Variants in RPAP2 observed in about 807,000 individuals in gnomAD.
The protein encoded by RPAP2 is RNA polymerase II associated protein 2.
Under a neutral mutation model 73.1 loss-of-function variants are expected in RPAP2, and 52 were observed. The observed-to-expected ratio is 0.71, with a 90% CI of 0.57 to 0.90. The LOEUF is 0.90. Among genes scored for constraint, RPAP2 ranks in the 40% least tolerant of loss-of-function variants. The probability of loss-of-function intolerance (pLI) is 0.00; values close to 1 mark genes in which losing one functional copy is unlikely to be tolerated. For missense variants in RPAP2, 598 were observed against 701.8 expected (o/e 0.85, Z 1.67); for synonymous variants, 225 against 242.1 (o/e 0.93, Z 0.65).
At position 92,393,049 on chromosome 1, in the gene RPAP2, C is replaced by A. The variant is rs1441797292; in HGVS notation, c.*6038C>A. 1.3e-5 allele frequency: 2 copies of A among 152,198 alleles called. No homozygotes were observed. The highest frequency in any genetic ancestry group is 2.9e-5 in the Non-Finnish European group (2 of 68,040). The allele number at this position is 152,198 out of a possible 1,614,324, so 9.4% of individuals were successfully genotyped here. A position where few individuals can be genotyped will look rare whatever the true frequency, so the allele number is the denominator to read the frequency against. ...ACAATCCTGGGCAAGAAGAACAAAG[C>A]TGGAGGCATCACACTACCTGACTTC... On this transcript the variant is annotated 3_prime_UTR_variant, in exon 13 of 13. Transcript: ENST00000610020.
In RPAP2 at chr1:92,387,158, G is replaced by T; in HGVS notation, c.*147G>T. ...TTAAGTTTCAATCTCCCATCTCCCA[G>T]TCCTTCAGTCCCCAACTGCAGAGGA... On this transcript the variant is annotated 3_prime_UTR_variant, in exon 13 of 13. Transcript: ENST00000610020. 1 of 683,156 alleles carries T rather than the reference G, an allele frequency of 1.5e-6. No individual in the cohort carries two copies. Among genetic ancestry groups the T allele is most frequent in the Admixed American group, 3.0e-5 (1 of 33,736 alleles). 42.3% of individuals were successfully genotyped at this position (683,156 alleles called of 1,614,324 possible).
At chr1:92,347,961 G>A (rs1009088053) in intron 11 of RPAP2, among the ~76,000 whole-genome samples, 1 of 151,872 alleles carries the variant, frequency 6.6e-6, no homozygotes, top group Non-Finnish European at 1.5e-5. Flanking sequence ...CCAGGCTGGA[G>A]TGCAATGGCA....
intron 11 of RPAP2, among the ~76,000 whole-genome samples, chr1:92,376,985 T>A (rs1242208793): frequency 2.0e-5 from 3 of 152,224 alleles, no homozygotes; most frequent in African/African-American, 4.8e-5. Flanking sequence ...AGATAATTCA[T>A]GTTTAGAACA....
At chr1:92,313,078 G>T (rs1386129309) in intron 6 of RPAP2, among the ~76,000 whole-genome samples, 1 of 152,170 alleles carries the variant, frequency 6.6e-6, no homozygotes, top group Admixed American at 6.5e-5. Flanking sequence ...TGTTGGCCAG[G>T]CTGGTCTCGA....
chr1:92,357,996 A>C (rs1343353475), intron 11 of RPAP2, among the ~76,000 whole-genome samples: 2 of 152,220 alleles, frequency 1.3e-5, no homozygotes, highest in Non-Finnish European at 2.9e-5. Context: ...GCGTGATCAT[A>C]GCCCACTGTA....
At chr1:92,375,888 C>A (rs1043746353) in intron 11 of RPAP2, among the ~76,000 whole-genome samples, 2 of 149,950 alleles carry the variant, frequency 1.3e-5, no homozygotes, top group Non-Finnish European at 3.0e-5. Flanking sequence ...TAGTCCCAGC[C>A]ACTCAGGAAG....
chr1:92,401,369 A>T lies in RPAP2; in HGVS notation c.*14358A>T, dbSNP rs943216978. Reference sequence around the variant, plus strand: ...AGCTACTCATGTTGGCAATAAAGGTAAAAGTATCTATGGAATAAGGACCAT... The same window carrying T: ...AGCTACTCATGTTGGCAATAAAGGTTAAAGTATCTATGGAATAAGGACCAT... On this transcript the variant is annotated 3_prime_UTR_variant, in exon 13 of 13. Transcript: ENST00000610020. The T allele has an allele frequency of 1.3e-5, 2 of 152,218 alleles. No homozygotes were observed. The highest frequency in any genetic ancestry group is 4.8e-5 in the African/African-American group (2 of 41,454). 9.4% of individuals were successfully genotyped at this position (152,218 alleles called of 1,614,324 possible). A position where few individuals can be genotyped will look rare whatever the true frequency, so the allele number is the denominator to read the frequency against.
chr1:92,337,745 T>G (rs941552036), intron 10 of RPAP2, among the ~76,000 whole-genome samples: 2 of 152,136 alleles, frequency 1.3e-5, no homozygotes, highest in African/African-American at 4.8e-5. Flanking sequence ...ATATATAATT[T>G]AGGAATTTTT....
At chr1:92,323,254 G>A (rs1260744702) in intron 7 of RPAP2, among the ~76,000 whole-genome samples, 191 bp from the exon 8 acceptor site, 1 of 151,574 alleles carries the variant, frequency 6.6e-6, no homozygotes, top group Admixed American at 6.6e-5. Flanking sequence ...ATTAACAGAT[G>A]TACTGAAATT....
rs1044392103 is a variant in RPAP2, at chr1:92,395,276, C to T, written c.*8265C>T. On this transcript the variant is annotated 3_prime_UTR_variant, in exon 13 of 13. Transcript: ENST00000610020. ...TTCTTAAGACACTAATAGCACAATT[C>T]ATAAAAGAAAATATTAATAAATTGG... The T allele has an allele frequency of 1.3e-5, 2 of 152,050 alleles. No homozygotes were observed. Among genetic ancestry groups the T allele is most frequent in the African/African-American group, 4.8e-5 (2 of 41,416 alleles). The allele number at this position is 152,050 out of a possible 1,614,324, so 9.4% of individuals were successfully genotyped here.
rs551101601 is a variant in RPAP2 at position 92,323,382 on chromosome 1, A to G, written c.525-63A>G. 12 of 1,226,376 alleles carry G rather than the reference A, an allele frequency of 9.8e-6. No homozygotes were observed. In the South Asian group the frequency reaches 1.9e-4, roughly 19 times the overall value. The allele number at this position is 1,226,376 out of a possible 1,614,324, so 76.0% of individuals were successfully genotyped here. On this transcript the variant is annotated intron_variant, in intron 7 of 12. Coordinates refer to ENST00000610020, the MANE Select transcript of RPAP2 (RefSeq NM_024813.3). ...ATACTATGGGGTACTTTACTTTTCT[A>G]TTGTTTTCGGGTTTTATTTGCTATT...
At position 92,314,351 on chromosome 1, in the gene RPAP2, G is replaced by GTT. The variant is rs112702571; in HGVS notation, c.489-6236_489-6235dup. On this transcript the variant is annotated intron_variant, in intron 6 of 12. Transcript: ENST00000610020. Reference sequence around the variant, plus strand: ...GTTGCTGTTGTTTTTTGGTTTTTGGGTTTTTTTTTTTTTGCATTTAGTAGT... The same window carrying GTT: ...GTTGCTGTTGTTTTTTGGTTTTTGGGTTTTTTTTTTTTTTTGCATTTAGTAGT... 4.5e-3 allele frequency among the ~76,000 whole-genome samples: 617 copies of GTT among 136,754 alleles called. 8 individuals are homozygous for GTT. Among genetic ancestry groups the GTT allele is most frequent in the African/African-American group, 0.014 (520 of 38,250 alleles). 89.7% of individuals were successfully genotyped at this position (136,754 alleles called of 152,430 possible). A position where few individuals can be genotyped will look rare whatever the true frequency, so the allele number is the denominator to read the frequency against.
chr1:92,337,066 G>C (rs1571083001), intron 10 of RPAP2, among the ~76,000 whole-genome samples: 1 of 152,048 alleles, frequency 6.6e-6, no homozygotes, highest in East Asian at 1.9e-4. Context: ...ATTAGTAGAG[G>C]TGTACCAAAT....
chr1:92,373,746 A>AT (rs1655264251), intron 11 of RPAP2, among the ~76,000 whole-genome samples: 2 of 135,788 alleles, frequency 1.5e-5, no homozygotes, highest in Non-Finnish European at 3.1e-5. Context: ...AAATAAAAAA[A>AT]AAAAAAAAAA....
At position 92,320,600 on chromosome 1, in the gene RPAP2, C is replaced by T. The variant is rs1320505349; in HGVS notation, c.490C>T (p.His164Tyr). 5 of 1,610,868 alleles carry T rather than the reference C, an allele frequency of 3.1e-6. No homozygotes were observed. The highest frequency in any genetic ancestry group is 2.5e-6 in the Non-Finnish European group (3 of 1,177,498). ...TTTATTTCTGTGTTCTTATTACAGG[C>T]ATCCTGATTTTCAACTGCTAAAGGA... ...TPVWVREEER[H>Y]PDFQLLKEEQ... The change falls in exon 7 of 13, where the codon CAT (histidine) becomes TAT (tyrosine). Residue 164 changes from histidine to tyrosine, a missense_variant and splice_region_variant. Physicochemically the swap from His to Tyr is moderately conservative, Grantham distance 83. Coordinates refer to ENST00000610020, the MANE Select transcript of RPAP2 (RefSeq NM_024813.3).
chr1:92,353,183 G>A (rs1654300234), intron 11 of RPAP2, among the ~76,000 whole-genome samples: 1 of 152,150 alleles, frequency 6.6e-6, no homozygotes. Flanking sequence ...GTGAGCATAT[G>A]TTTTATGTTC....
At chr1:92,307,061 C>T in intron 5 of RPAP2, 127 bp from the exon 6 acceptor site, 1 of 642,594 alleles carries the variant, frequency 1.6e-6, no homozygotes, top group Non-Finnish European at 2.6e-6. Context: ...TATTTCTTAC[C>T]TTGGGTGGTA....
In RPAP2 at chr1:92,307,292, G is replaced by A. The variant is rs1265788408; in HGVS notation, c.488+16G>A. On this transcript the variant is annotated intron_variant, in intron 6 of 12. Coordinates refer to ENST00000610020, the MANE Select transcript of RPAP2 (RefSeq NM_024813.3). ...AAGAAGAGAGGTAATTTAAGTCATT[G>A]TGTATATACATTTGTTCATATATTC... The A allele has an allele frequency of 4.0e-6, 6 of 1,513,632 alleles. No individual in the cohort carries two copies. The highest frequency in any genetic ancestry group is 4.6e-6 in the Non-Finnish European group (5 of 1,094,712). The allele number at this position is 1,513,632 out of a possible 1,614,324, so 93.8% of individuals were successfully genotyped here.
chr1:92,300,132 G>T, intron 1 of RPAP2, 62 bp from the exon 2 acceptor site: 1 of 1,137,460 alleles, frequency 8.8e-7, no homozygotes, highest in Non-Finnish European at 1.3e-6. Flanking sequence ...ACCGCTGTCT[G>T]TATGCTGTCC....
Sources: allele counts gnomAD v4.1 joint callset (sites outside exome capture counted in the v4.1 genomes callset), GRCh38; gene constraint gnomAD v4.1.1; transcripts MANE v1.5; gene names NCBI Gene and HGNC (gene_info 2026-07-23, HGNC 2026-07-21).